The following PTPRD variants were observed in gnomAD, a reference collection of about 807,000 sequenced individuals.
The protein encoded by PTPRD is receptor-type tyrosine-protein phosphatase delta.
A neutral mutation model predicts 214.5 loss-of-function variants in PTPRD; 34 were observed. That is an observed-to-expected ratio of 0.16 (90% CI 0.12 to 0.21). PTPRD has a LOEUF of 0.21. Ranked by LOEUF, PTPRD falls within the 10% of genes least tolerant of loss-of-function variation. PTPRD has a pLI of 1.00. For missense variants in PTPRD, 2,545 were observed against 2,398.7 expected (o/e 1.06, Z -1.27); for synonymous variants, 1,128 against 845.7 (o/e 1.33, Z -5.79).
chr9:10,433,965 A>T (rs1234844932), intron 2 of PTPRD, among the ~76,000 whole-genome samples: 1 of 151,884 alleles, frequency 6.6e-6, no homozygotes, highest in Non-Finnish European at 1.5e-5. Context: ...ATAAACAAAA[A>T]GTGTTATTAA....
intron 10 of PTPRD, among the ~76,000 whole-genome samples, chr9:9,069,827 T>C (rs891609613): frequency 2.0e-5 from 3 of 152,174 alleles, no homozygotes; most frequent in African/African-American, 7.2e-5. Context: ...AGGAGCAGTA[T>C]AAAAATGAGT....
rs1555494944 is a variant in PTPRD at position 10,031,647 on chromosome 9, TAC to T, written c.-472+2069_-472+2070del. On this transcript the variant is annotated intron_variant, in intron 4 of 45. Transcript: ENST00000381196. ...CTCCATATATATATATATATATATATACACACACACACACACACATACACACA... is the reference window on the plus strand; with the variant it reads ...CTCCATATATATATATATATATATATACACACACACACACACATACACACA... Among the ~76,000 whole-genome samples, 178 of 89,452 alleles carry T rather than the reference TAC, an allele frequency of 2.0e-3. 3 individuals carry two copies. The highest frequency in any genetic ancestry group is 2.1e-3 in the Admixed American group (18 of 8,724). The allele number at this position is 89,452 out of a possible 152,430, so 58.7% of individuals were successfully genotyped here.
chr9:10,100,902 G>A (rs542457001), intron 3 of PTPRD, among the ~76,000 whole-genome samples: 3 of 151,632 alleles, frequency 2.0e-5, no homozygotes, highest in Admixed American at 1.3e-4. Flanking sequence ...TAAAAGAGCA[G>A]GCAGCATACT....
At chr9:10,351,873 G>C (rs908432150) in intron 2 of PTPRD, among the ~76,000 whole-genome samples, 3 of 152,100 alleles carry the variant, frequency 2.0e-5, no homozygotes, top group Middle Eastern at 3.4e-3. Context: ...AAGGGGATGG[G>C]TCACAAATGG....
chr9:10,249,155 A>G (rs1480384160), intron 3 of PTPRD, among the ~76,000 whole-genome samples: 1 of 152,184 alleles, frequency 6.6e-6, no homozygotes, highest in Non-Finnish European at 1.5e-5. Flanking sequence ...TGAGACATCT[A>G]TGCTTTTATC....
chr9:9,709,958 T>C (rs1462801606), intron 7 of PTPRD, among the ~76,000 whole-genome samples: 3 of 152,094 alleles, frequency 2.0e-5, no homozygotes, highest in Non-Finnish European at 4.4e-5. Flanking sequence ...TATACAAAAT[T>C]ATCTTCTAGT....
chr9:8,843,561 C>T (rs2097613678), intron 11 of PTPRD, among the ~76,000 whole-genome samples: 1 of 152,136 alleles, frequency 6.6e-6, no homozygotes, highest in South Asian at 2.1e-4. Flanking sequence ...TTATTAACCA[C>T]TTCAAATGTA....
At chr9:9,985,640 A>G (rs2095684068) in intron 4 of PTPRD, among the ~76,000 whole-genome samples, 1 of 152,126 alleles carries the variant, frequency 6.6e-6, no homozygotes. Flanking sequence ...TGGAGATTCT[A>G]TAGATACACC....
chr9:8,610,536 C>G (rs2095410718), intron 14 of PTPRD, among the ~76,000 whole-genome samples: 1 of 152,188 alleles, frequency 6.6e-6, no homozygotes, highest in African/African-American at 2.4e-5. Context: ...CTTCTTTCCT[C>G]TCTGTTAGAC....
chr9:9,558,831 G>T (rs1016756129), intron 8 of PTPRD, among the ~76,000 whole-genome samples: 1 of 152,178 alleles, frequency 6.6e-6, no homozygotes, highest in Admixed American at 6.5e-5. Flanking sequence ...CGAATTCGGG[G>T]ACACCCTTCC....
At chr9:10,584,609 C>G (rs564168413) in intron 2 of PTPRD, among the ~76,000 whole-genome samples, 114 of 152,222 alleles carry the variant, frequency 7.5e-4, no homozygotes, top group African/African-American at 2.7e-3. Context: ...AAAGGATTTA[C>G]AAGCACCATT....
intron 4 of PTPRD, among the ~76,000 whole-genome samples, chr9:10,007,286 A>G (rs2096499575): frequency 6.6e-6 from 1 of 152,014 alleles, no homozygotes; most frequent in African/African-American, 2.4e-5. Context: ...AGATCAGAGG[A>G]AAAATAAAGG....
intron 3 of PTPRD, among the ~76,000 whole-genome samples, chr9:10,088,732 T>C (rs1346052713): frequency 6.6e-6 from 1 of 151,766 alleles, no homozygotes; most frequent in Non-Finnish European, 1.5e-5. Flanking sequence ...GTTTCCTATC[T>C]ACATCTTTGG....
At chr9:8,396,295 C>G (rs1194796660) in intron 36 of PTPRD, among the ~76,000 whole-genome samples, 1 of 152,080 alleles carries the variant, frequency 6.6e-6, no homozygotes, top group Non-Finnish European at 1.5e-5. Context: ...TCTTAATGCC[C>G]TCCTGATAAA....
chr9:9,994,070 T>C (rs1203353995), intron 4 of PTPRD, among the ~76,000 whole-genome samples: 4 of 152,098 alleles, frequency 2.6e-5, no homozygotes, highest in African/African-American at 9.7e-5. Flanking sequence ...AAAACTGAGA[T>C]ACAGAAAGAT....
chr9:9,820,623 C>T lies in PTPRD; in HGVS notation c.-367-53772G>A, dbSNP rs113276522. 1.6e-3 allele frequency among the ~76,000 whole-genome samples: 238 copies of T among 152,224 alleles called. 2 individuals carry two copies. The highest frequency in any genetic ancestry group is 5.5e-3 in the African/African-American group (230 of 41,544). ...AGGATTCTTGTGGTTTGAGGTCTTA[C>T]ATTTAAATCTTTAATCCATCTTGAG... On this transcript the variant is annotated intron_variant, in intron 5 of 45. Transcript: ENST00000381196.
chr9:9,623,596 G>C (rs1001691874), intron 7 of PTPRD, among the ~76,000 whole-genome samples: 1 of 152,102 alleles, frequency 6.6e-6, no homozygotes, highest in African/African-American at 2.4e-5. Flanking sequence ...ACCCAGCACA[G>C]TGTCACACCG....
intron 11 of PTPRD, among the ~76,000 whole-genome samples, chr9:8,911,388 A>G (rs7875809): frequency 0.98 from 149,083 of 151,764 alleles, 73,268 homozygotes; most frequent in Middle Eastern, 1. Context: ...CTGGATGCCC[A>G]TGTGTGTGTC....
intron 44 of PTPRD, among the ~76,000 whole-genome samples, chr9:8,321,485 GTGTATATATATA>G (rs1384465307): frequency 2.2e-4 from 10 of 45,386 alleles, no homozygotes; most frequent in Admixed American, 1.6e-3. Context: ...GTGTGTGTGT[GTGTATATATATA>G]TATATATATA....
Sources: allele counts gnomAD v4.1 joint callset (sites outside exome capture counted in the v4.1 genomes callset), GRCh38; gene constraint gnomAD v4.1.1; transcripts MANE v1.5; gene names NCBI Gene and HGNC (gene_info 2026-07-23, HGNC 2026-07-21).